PHACTR4: variants seen among roughly 807,000 people sequenced by gnomAD.
The protein encoded by PHACTR4 is phosphatase and actin regulator 4, also known as protein phosphatase 1, regulatory subunit 124.
A neutral mutation model predicts 72.7 loss-of-function variants in PHACTR4; 51 were observed. That is an observed-to-expected ratio of 0.70 (90% CI 0.56 to 0.89). PHACTR4 has a LOEUF of 0.89. PHACTR4 is among the 40% of genes least tolerant of loss of function. PHACTR4 has a pLI of 0.00. For synonymous variants in PHACTR4, 255 were observed against 302.5 expected (o/e 0.84, Z 1.63); for missense variants, 731 against 861.8 (o/e 0.85, Z 1.90).
intron 13 of PHACTR4, among the ~76,000 whole-genome samples, chr1:28,493,548 A>G (rs1319863425): frequency 6.6e-6 from 1 of 151,938 alleles, no homozygotes; most frequent in Non-Finnish European, 1.5e-5. Flanking sequence ...CAAAAAAAAA[A>G]AAAAAATAAG....
chr1:28,449,203 A>C (rs894940104), intron 2 of PHACTR4, among the ~76,000 whole-genome samples: 17 of 152,020 alleles, frequency 1.1e-4, no homozygotes, highest in Admixed American at 6.6e-5. Flanking sequence ...GCACCCCTAG[A>C]GCCCCAGTGA....
rs1405630144 is a variant in PHACTR4, at chr1:28,500,073, T to G, written c.*3524T>G. 6.6e-6 allele frequency: 1 copy of G among 152,210 alleles called. No homozygotes were observed. The highest frequency in any genetic ancestry group is 1.9e-4 in the East Asian group (1 of 5,196). The allele number at this position is 152,210 out of a possible 1,614,324, so 9.4% of individuals were successfully genotyped here. ...GTCACCAAGTAATCTGGTTCATCTTTCGTCTCATTCATGTTATTTTCAAGT... is the reference window on the plus strand; with the variant it reads ...GTCACCAAGTAATCTGGTTCATCTTGCGTCTCATTCATGTTATTTTCAAGT... On this transcript the variant is annotated 3_prime_UTR_variant, in exon 14 of 14. Transcript: ENST00000373839.
At chr1:28,393,146 T>C (rs1183272764) in intron 1 of PHACTR4, among the ~76,000 whole-genome samples, 1 of 141,092 alleles carries the variant, frequency 7.1e-6, no homozygotes, top group Non-Finnish European at 1.6e-5. Context: ...ATATATAATT[T>C]TTGTCAGTTA....
At chr1:28,372,282 C>T (rs1341972328) in intron 1 of PHACTR4, among the ~76,000 whole-genome samples, 1 of 152,058 alleles carries the variant, frequency 6.6e-6, no homozygotes, top group Non-Finnish European at 1.5e-5. Flanking sequence ...CAGGAGGACC[C>T]CTTTACATGA....
chr1:28,373,776 T>C (rs1474740057), intron 1 of PHACTR4, among the ~76,000 whole-genome samples: 1 of 152,162 alleles, frequency 6.6e-6, no homozygotes, highest in Non-Finnish European at 1.5e-5. Context: ...CATTTAATCC[T>C]CACTACAGTT....
At chr1:28,437,278 G>T (rs1656695181) in intron 2 of PHACTR4, among the ~76,000 whole-genome samples, 1 of 151,874 alleles carries the variant, frequency 6.6e-6, no homozygotes, top group Non-Finnish European at 1.5e-5. Flanking sequence ...GCCTAGGCTG[G>T]AGTGCAGTGG....
intron 2 of PHACTR4, among the ~76,000 whole-genome samples, chr1:28,447,330 C>A (rs922259792): frequency 6.6e-6 from 1 of 151,814 alleles, no homozygotes; most frequent in Non-Finnish European, 1.5e-5. Context: ...TTCTTTATAG[C>A]AATGCAAGAA....
chr1:28,449,663 C>A (rs1356343166), intron 2 of PHACTR4, among the ~76,000 whole-genome samples: 5 of 151,914 alleles, frequency 3.3e-5, no homozygotes, highest in African/African-American at 1.2e-4. Context: ...ACCAGCCTGG[C>A]CAACATGGTG....
chr1:28,414,513 G>A (rs1047700719), intron 2 of PHACTR4, among the ~76,000 whole-genome samples: 1 of 149,988 alleles, frequency 6.7e-6, no homozygotes, highest in Non-Finnish European at 1.5e-5. Flanking sequence ...AAGTAGCTGG[G>A]ACTATAGGCA....
intron 1 of PHACTR4, among the ~76,000 whole-genome samples, chr1:28,387,981 G>A (rs1652698667): frequency 6.6e-6 from 1 of 152,022 alleles, no homozygotes; most frequent in Admixed American, 6.6e-5. Flanking sequence ...ACCCGCCTTG[G>A]CCTCCCAAAG....
chr1:28,395,519 A>G (rs145001156), intron 1 of PHACTR4, among the ~76,000 whole-genome samples: 112 of 152,302 alleles, frequency 7.4e-4, no homozygotes, highest in African/African-American at 2.6e-3. Flanking sequence ...TATGTTTAAC[A>G]AAGAGGAGGA....
chr1:28,453,360 C>T (rs918362486), intron 2 of PHACTR4, among the ~76,000 whole-genome samples: 1 of 152,022 alleles, frequency 6.6e-6, no homozygotes, highest in Non-Finnish European at 1.5e-5. Flanking sequence ...ACTGGAATTG[C>T]TCTTAAGAAG....
chr1:28,472,337 C>T (rs896743961), intron 6 of PHACTR4, among the ~76,000 whole-genome samples: 8 of 152,072 alleles, frequency 5.3e-5, no homozygotes, highest in Non-Finnish European at 1.2e-4. Flanking sequence ...CTTGCCTTTT[C>T]CTTCTGAAAA....
chr1:28,480,025 A>G (rs900782412), intron 8 of PHACTR4, among the ~76,000 whole-genome samples: 1 of 152,256 alleles, frequency 6.6e-6, no homozygotes, highest in African/African-American at 2.4e-5. Flanking sequence ...GGGCAGAGAA[A>G]AATAAACATT....
At chr1:28,371,031 A>C (rs930862936) in intron 1 of PHACTR4, among the ~76,000 whole-genome samples, 1 of 152,248 alleles carries the variant, frequency 6.6e-6, no homozygotes, top group African/African-American at 2.4e-5. Context: ...GGATTCGATC[A>C]AATTTGGCTA....
chr1:28,465,883 A>G (rs370925952), intron 5 of PHACTR4, 34 bp downstream of exon 5: 1 of 1,584,808 alleles, frequency 6.3e-7, no homozygotes, highest in Non-Finnish European at 8.6e-7. Context: ...TTTAAGAGCC[A>G]CGGGCCAGTT....
intron 1 of PHACTR4, among the ~76,000 whole-genome samples, chr1:28,378,520 T>G (rs1230837922): frequency 3.4e-5 from 5 of 146,294 alleles, no homozygotes; most frequent in East Asian, 2.0e-4. Context: ...AAGAAAAAAG[T>G]TTTTTTTTTA....
intron 2 of PHACTR4, among the ~76,000 whole-genome samples, chr1:28,442,111 C>T (rs1386498171): frequency 6.6e-6 from 1 of 152,164 alleles, no homozygotes; most frequent in Non-Finnish European, 1.5e-5. Flanking sequence ...AGCTAATTAT[C>T]ACATATCCTT....
chr1:28,473,554 C>G lies in PHACTR4; in HGVS notation c.824C>G (p.Ala275Gly). The G allele has an allele frequency of 3.8e-6, 6 of 1,591,076 alleles. No homozygotes were observed. The highest frequency in any genetic ancestry group is 4.3e-6 in the Non-Finnish European group (5 of 1,162,786). The change falls in exon 7 of 14, where the codon GCT becomes GGT. Residue 275 changes from alanine to glycine, a missense_variant and splice_region_variant. This residue lies in a region of PHACTR4 where 621 missense variants were observed against 676.6 expected (regional missense o/e 0.92). Transcript: ENST00000373839. The part of the protein sequence containing the change: ...PAHRNSNPVI[A>G]ELSQAINSGT... ...TGATGTGTTGCTCTCTCTTTTCCAGCTGAACTGTCCCAAGCAATAAACAGT... is the reference window on the plus strand; with the variant it reads ...TGATGTGTTGCTCTCTCTTTTCCAGGTGAACTGTCCCAAGCAATAAACAGT...
Sources: gnomAD v4.1 joint callset for allele counts (sites outside exome capture counted in the v4.1 genomes callset) on GRCh38, gnomAD v4.1.1 for gene constraint, gnomAD v4.1.1 regional missense constraint, MANE v1.5 for transcripts, NCBI Gene and HGNC (gene_info 2026-07-23, HGNC 2026-07-21) for gene names.